The following ABCD3 variants were observed in gnomAD, a reference collection of about 807,000 sequenced individuals.
ABCD3 encodes ATP binding cassette subfamily D member 3.
In ABCD3, 41 loss-of-function variants were observed where a neutral mutation model predicts 105.5. The ratio of observed to expected loss-of-function variants is 0.39; its 90% CI spans 0.30 to 0.50. The LOEUF is 0.50. Ranked by LOEUF, ABCD3 falls within the 20% of genes least tolerant of loss-of-function variation. The pLI is 0.84. For synonymous variants in ABCD3, 258 were observed against 269.0 expected, an observed-to-expected ratio of 0.96 and a Z score of 0.40; for missense variants, 622 against 806.3, an observed-to-expected ratio of 0.77 and a Z score of 2.77.
rs1419333708 is a variant in ABCD3, at chr1:94,499,046, T to A, written c.1620+12T>A. 1 of 1,593,464 alleles carries A rather than the reference T, an allele frequency of 6.3e-7. No individual in the cohort carries two copies. Among genetic ancestry groups the A allele is most frequent in the East Asian group, 2.2e-5 (1 of 44,732 alleles). On this transcript the variant is annotated intron_variant, in intron 19 of 22. Coordinates refer to ENST00000370214, the MANE Select transcript of ABCD3 (RefSeq NM_002858.4). ...GAATTTCTGACCTAGTAAGGGAATGTTTATATCCTAGATCCACTGAAAATA... is the reference window on the plus strand; with the variant it reads ...GAATTTCTGACCTAGTAAGGGAATGATTATATCCTAGATCCACTGAAAATA...
chr1:94,488,832 T>TCG (rs1489581121), intron 13 of ABCD3, among the ~76,000 whole-genome samples: 120 of 151,406 alleles, frequency 7.9e-4, no homozygotes, highest in East Asian at 6.4e-3. Context: ...TCTCTCTCTC[T>TCG]CTCGCTCTCT....
chr1:94,396,690 A>T, the ABCD3 span, among the ~76,000 whole-genome samples: 465 of 152,332 alleles, frequency 3.1e-3, 1 homozygote, highest in African/African-American at 0.011. Context: ...TAAATATAAC[A>T]TTAAGTATTT....
intron 16 of ABCD3, among the ~76,000 whole-genome samples, chr1:94,493,164 A>C (rs1174190736): frequency 4.6e-5 from 7 of 151,998 alleles, no homozygotes; most frequent in African/African-American, 1.7e-4. Flanking sequence ...CAGGCAGCCT[A>C]CAAAATGGGA....
chr1:94,506,894 A>G (rs1389288337), intron 21 of ABCD3, among the ~76,000 whole-genome samples: 2 of 152,088 alleles, frequency 1.3e-5, no homozygotes, highest in Middle Eastern at 3.4e-3. Context: ...GATATAAAAG[A>G]TATATATAAA....
intron 1 of ABCD3, among the ~76,000 whole-genome samples, chr1:94,453,739 C>T: frequency 6.7e-6 from 1 of 148,610 alleles, no homozygotes; most frequent in Non-Finnish European, 1.5e-5. Flanking sequence ...TTTTTGTGCT[C>T]ATTTTTTTTA....
intron 21 of ABCD3, among the ~76,000 whole-genome samples, chr1:94,513,253 A>T (rs1650768971): frequency 6.6e-6 from 1 of 152,072 alleles, no homozygotes; most frequent in South Asian, 2.1e-4. Flanking sequence ...TGGTATTCTC[A>T]TGTACATAAA....
intron 21 of ABCD3, among the ~76,000 whole-genome samples, chr1:94,513,126 A>T (rs973589598): frequency 1.3e-5 from 2 of 152,102 alleles, no homozygotes; most frequent in Admixed American, 6.6e-5. Flanking sequence ...GAAAGATTTT[A>T]ACTACTGATT....
In ABCD3 at chr1:94,498,946, G is replaced by A. The variant is rs764404382; in HGVS notation, c.1532G>A (p.Arg511Lys). The change falls in exon 19 of 23, where the codon AGA becomes AAA. Residue 511 changes from arginine (R) to lysine (K), a missense_variant and splice_region_variant. Arg to Lys is a conservative substitution (Grantham distance 26). Transcript: ENST00000370214. ...TGACTTTTGCTCTACTACTGTCAGA[G>A]ACCTTACATGACCCTTGGAACACTT... is the stretch of plus-strand genomic sequence containing the variant. ...ERGKLFYVPQ[R>K]PYMTLGTLRD... The A allele has an allele frequency of 3.7e-6, 6 of 1,613,466 alleles. No homozygotes were observed. Among genetic ancestry groups the A allele is most frequent in the Non-Finnish European group, 5.1e-6 (6 of 1,179,744 alleles).
intron 20 of ABCD3, among the ~76,000 whole-genome samples, chr1:94,503,657 A>C (rs930548497): frequency 5.5e-4 from 84 of 152,160 alleles, no homozygotes; most frequent in African/African-American, 1.9e-3. Flanking sequence ...ACTTCTTCAT[A>C]GTCTATACTT....
At chr1:94,441,298 T>C (rs1040942281) in intron 1 of ABCD3, among the ~76,000 whole-genome samples, 5 of 152,192 alleles carry the variant, frequency 3.3e-5, no homozygotes, top group Non-Finnish European at 7.3e-5. Flanking sequence ...AAATTTAATC[T>C]ATACTAAGAT....
At position 94,418,461 on chromosome 1, in the gene ABCD3, G is replaced by C. The variant is rs773486733; in HGVS notation, c.-18G>C. 38 of 1,582,906 alleles carry C rather than the reference G, an allele frequency of 2.4e-5. No individual in the cohort carries two copies. The highest frequency in any genetic ancestry group is 3.3e-5 in the Non-Finnish European group (38 of 1,168,862). ...CGCCGCCGCGTCCCCTCGCCGGCTC[G>C]CTGGTACCGGCAGTGCCATGGCGGC... is the stretch of plus-strand genomic sequence containing the variant. On this transcript the variant is annotated 5_prime_UTR_variant, in exon 1 of 23. Transcript: ENST00000370214.
intron 1 of ABCD3, among the ~76,000 whole-genome samples, chr1:94,438,769 A>G (rs1473073497): frequency 3.3e-5 from 5 of 152,112 alleles, no homozygotes; most frequent in African/African-American, 4.8e-5. Flanking sequence ...AAACCAAGGT[A>G]TGTCCATTGA....
At chr1:94,513,607 A>G (rs1289464296) in intron 21 of ABCD3, 6 of 152,136 alleles carry the variant, frequency 3.9e-5, no homozygotes, top group African/African-American at 1.2e-4. Flanking sequence ...AAAGAGACCT[A>G]TGATACCGTT....
intron 1 of ABCD3, 199 bp downstream of exon 1, chr1:94,418,787 C>T: frequency 1.7e-6 from 1 of 600,688 alleles, no homozygotes; most frequent in Non-Finnish European, 2.9e-6. Flanking sequence ...GCTGGCCTGT[C>T]CGGCGACCTC....
At chr1:94,450,610 A>G (rs1180340582) in intron 1 of ABCD3, among the ~76,000 whole-genome samples, 2 of 152,236 alleles carry the variant, frequency 1.3e-5, no homozygotes, top group East Asian at 1.9e-4. Flanking sequence ...TATAGAAACA[A>G]TGCTTATCAC....
upstream of ABCD3, among the ~76,000 whole-genome samples, chr1:94,417,154 G>T (rs1659049340): frequency 2.0e-5 from 3 of 152,130 alleles, no homozygotes. Context: ...GTCCCTCCAG[G>T]TAATGAAAAT....
At chr1:94,400,237 C>T in the ABCD3 span, among the ~76,000 whole-genome samples, 1 of 151,990 alleles carries the variant, frequency 6.6e-6, no homozygotes, top group East Asian at 1.9e-4. Flanking sequence ...GTGGAAACCC[C>T]ATCTCTACTA....
intron 1 of ABCD3, among the ~76,000 whole-genome samples, chr1:94,444,402 C>T (rs539497144): frequency 2.0e-4 from 30 of 151,070 alleles, no homozygotes; most frequent in Non-Finnish European, 2.5e-4. Context: ...TGGACTCAAG[C>T]AGTTCTTCTG....
intron 1 of ABCD3, among the ~76,000 whole-genome samples, chr1:94,433,341 A>G (rs1174888565): frequency 6.6e-6 from 1 of 151,720 alleles, no homozygotes; most frequent in Non-Finnish European, 1.5e-5. Flanking sequence ...TTTAGTACAG[A>G]CGGGATTTCT....
Sources: gnomAD v4.1 joint callset for allele counts (sites outside exome capture counted in the v4.1 genomes callset) on GRCh38, gnomAD v4.1.1 for gene constraint, MANE v1.5 for transcripts, NCBI Gene and HGNC (gene_info 2026-07-23, HGNC 2026-07-21) for gene names.